TNFSF8: variants seen among roughly 807,000 people sequenced by gnomAD.
TNFSF8 encodes the protein tumor necrosis factor ligand superfamily member 8.
In TNFSF8, 4 loss-of-function variants were observed where a neutral mutation model predicts 22.0. The ratio of observed to expected loss-of-function variants is 0.18; its 90% CI spans 0.09 to 0.42. The LOEUF (loss-of-function observed/expected upper bound fraction) is 0.42, where lower values mean the gene tolerates loss of function less well. TNFSF8 is among the 10% of genes least tolerant of loss of function. The pLI, the probability that TNFSF8 is intolerant of heterozygous loss-of-function variation, is 1.00. For missense variants in TNFSF8, 233 were observed against 281.8 expected, an observed-to-expected ratio of 0.83 and a Z score of 1.24; for synonymous variants, 106 against 112.5, an observed-to-expected ratio of 0.94 and a Z score of 0.37.
chr9:114,897,134 C>G (rs565838229), downstream of TNFSF8, among the ~76,000 whole-genome samples: 7 of 152,310 alleles, frequency 4.6e-5, no homozygotes, highest in African/African-American at 1.7e-4. Flanking sequence ...CCCCTGACCT[C>G]AAGTGATCCA....
chr9:114,924,454 T>C (rs577984331), intron 1 of TNFSF8, among the ~76,000 whole-genome samples: 2 of 152,182 alleles, frequency 1.3e-5, no homozygotes, highest in South Asian at 4.1e-4. Context: ...CTCTTGGCAA[T>C]GATAATGGCA....
rs1302732883 is a variant in TNFSF8 at position 114,916,058 on chromosome 9, G to A, written c.238+2038C>T. Among the ~76,000 whole-genome samples the A allele has an allele frequency of 2.0e-5, 3 of 152,158 alleles. No homozygotes were observed. In the East Asian group the frequency reaches 5.8e-4, roughly 29 times the overall value. ...TTTCTCCCCAGAATGAAAATTCAGA[G>A]ACCAATATGAAGTGGACAGCTTTTT... is the stretch of plus-strand genomic sequence containing the variant. On this transcript the variant is annotated intron_variant, in intron 2 of 3. Coordinates refer to ENST00000223795, the MANE Select transcript of TNFSF8 (RefSeq NM_001244.4).
intron 1 of TNFSF8, among the ~76,000 whole-genome samples, chr9:114,918,513 G>A (rs1564371226): frequency 6.6e-6 from 1 of 151,216 alleles, no homozygotes; most frequent in Non-Finnish European, 1.5e-5. Flanking sequence ...GCAGTGGTAT[G>A]ATCATGGGTC....
At chr9:114,924,201 G>C (rs555419463) in intron 1 of TNFSF8, among the ~76,000 whole-genome samples, 1 of 152,110 alleles carries the variant, frequency 6.6e-6, no homozygotes, top group African/African-American at 2.4e-5. Flanking sequence ...ATGCAGATTC[G>C]GATTCAGGAG....
intron 1 of TNFSF8, among the ~76,000 whole-genome samples, chr9:114,923,472 C>CTT (rs1281705978): frequency 2.8e-5 from 4 of 144,502 alleles, no homozygotes; most frequent in African/African-American, 5.2e-5. Context: ...GATTACTTTT[C>CTT]TTTCTTTTTC....
intron 2 of TNFSF8, among the ~76,000 whole-genome samples, chr9:114,911,225 C>G (rs576203366): frequency 3.3e-5 from 5 of 152,324 alleles, no homozygotes; most frequent in Non-Finnish European, 5.9e-5. Flanking sequence ...GTGTTTAAGG[C>G]TATCTGATGC....
Position 114,930,397 on chromosome 9 carries a change from A to C in TNFSF8, c.-94T>G. 1 of 1,061,958 alleles carries C rather than the reference A, an allele frequency of 9.4e-7. No homozygotes were observed. The highest frequency in any genetic ancestry group is 2.6e-5 in the South Asian group (1 of 38,334). 65.8% of individuals were successfully genotyped at this position (1,061,958 alleles called of 1,614,324 possible). On this transcript the variant is annotated 5_prime_UTR_variant, in exon 1 of 4. Coordinates refer to ENST00000223795, the MANE Select transcript of TNFSF8 (RefSeq NM_001244.4). ...GTTCCAAGAAGGATTCTCCCCCTGA[A>C]TCCTGAATCATGTGACTTGGAAAAA...
intron 2 of TNFSF8, among the ~76,000 whole-genome samples, chr9:114,908,258 C>G (rs1012382995): frequency 2.0e-5 from 3 of 152,198 alleles, no homozygotes; most frequent in Admixed American, 1.3e-4. Flanking sequence ...TCACCTAGTT[C>G]ATCTTTCTTG....
chr9:114,918,978 G>A (rs1237002253), intron 1 of TNFSF8, among the ~76,000 whole-genome samples: 2 of 151,208 alleles, frequency 1.3e-5, no homozygotes, highest in Non-Finnish European at 2.9e-5. Flanking sequence ...TTTTCCTTCT[G>A]GTCAACATGA....
Position 114,930,218 on chromosome 9 carries a change from C to A in TNFSF8, c.86G>T (p.Ser29Ile), listed in dbSNP as rs1326821202. 5 of 1,607,370 alleles carry A rather than the reference C, an allele frequency of 3.1e-6. No homozygotes were observed. Among genetic ancestry groups the A allele is most frequent in the Non-Finnish European group, 4.2e-6 (5 of 1,176,802 alleles). ...AMHVPAGSVA[S>I]HLGTTSRSYF... ...GCTGCGGCTCGTGGTCCCCAGGTGG[C>A]TGGCCACGGAGCCCGCCGGCACATG... The change falls in exon 1 of 4, where the codon AGC (serine) becomes ATC (isoleucine). Residue 29 changes from serine (S) to isoleucine (I), a missense_variant. Ser to Ile is a moderately radical substitution (Grantham distance 142, BLOSUM62 -2). Transcript: ENST00000223795.
intron 4 of TNFSF8, chr9:114,894,236 C>T (rs762343491): frequency 1.3e-5 from 17 of 1,307,920 alleles, no homozygotes; most frequent in Middle Eastern, 1.8e-4. Flanking sequence ...GTTGTTGTTA[C>T]TCAGAAGCCC....
At chr9:114,927,008 T>G (rs1208975537) in intron 1 of TNFSF8, among the ~76,000 whole-genome samples, 2 of 128,552 alleles carry the variant, frequency 1.6e-5, no homozygotes, top group Non-Finnish European at 1.6e-5. Flanking sequence ...AATGTTTATT[T>G]TATAATATAT....
At chr9:114,924,835 A>C (rs527524107) in intron 1 of TNFSF8, among the ~76,000 whole-genome samples, 1 of 152,336 alleles carries the variant, frequency 6.6e-6, no homozygotes, top group East Asian at 1.9e-4. Flanking sequence ...TCAATTTAAC[A>C]GAGTTCCCAG....
At chr9:114,901,112 TACCAA>T (rs958532913), downstream of TNFSF8, 2 of 985,248 alleles carry the variant, frequency 2.0e-6, no homozygotes, top group African/African-American at 3.5e-5. Flanking sequence ...GTTGAGTTTT[TACCAA>T]AGAGGCATAT....
Position 114,903,969 on chromosome 9 carries a change from T to C in TNFSF8, c.667A>G (p.Asn223Asp), listed in dbSNP as rs1487373577. 6.2e-7 allele frequency: 1 copy of C among 1,613,754 alleles called. No homozygotes were observed. Among genetic ancestry groups the C allele is most frequent in the Non-Finnish European group, 8.5e-7 (1 of 1,179,786 alleles). The change falls in exon 4 of 4, where the codon AAT becomes GAT. Residue 223 changes from asparagine (N) to aspartate (D), a missense_variant. Transcript: ENST00000223795. Reference sequence around the variant, plus strand: ...CTGTATAAGAAGATGGACAACACATTCTCAAGAGGAAAGGTGCTTGTATCT... The same window carrying C: ...CTGTATAAGAAGATGGACAACACATCCTCAAGAGGAAAGGTGCTTGTATCT... The part of the protein sequence containing the change: ...YIDTSTFPLE[N>D]VLSIFLYSNS...
In TNFSF8 at chr9:114,902,823, C is replaced by G. The variant is rs1431782506; in HGVS notation, c.*1108G>C. The G allele has an allele frequency of 1.1e-6, 1 of 888,102 alleles. No individual in the cohort carries two copies. Among genetic ancestry groups the G allele is most frequent in the Non-Finnish European group, 1.3e-6 (1 of 741,460 alleles). The allele number at this position is 888,102 out of a possible 1,614,324, so 55.0% of individuals were successfully genotyped here. ...ATTTTCTAGACTTGGATCCTGAGTT[C>G]CAGGGAGGGGAAGGTATAGTGAATT... On this transcript the variant is annotated 3_prime_UTR_variant, in exon 4 of 4. Coordinates refer to ENST00000223795, the MANE Select transcript of TNFSF8 (RefSeq NM_001244.4).
At chr9:114,896,444 A>C (rs1381951631), downstream of TNFSF8, among the ~76,000 whole-genome samples, 1 of 152,218 alleles carries the variant, frequency 6.6e-6, no homozygotes, top group Non-Finnish European at 1.5e-5. Flanking sequence ...AGGTATACCA[A>C]GGTTTGATTT....
chr9:114,905,066 T>C (rs1346118777), intron 3 of TNFSF8, among the ~76,000 whole-genome samples: 1 of 152,202 alleles, frequency 6.6e-6, no homozygotes, highest in Non-Finnish European at 1.5e-5. Flanking sequence ...GGTGAGTCTC[T>C]AAGTCCTAAC....
At chr9:114,911,864 C>T (rs1400658780) in intron 2 of TNFSF8, among the ~76,000 whole-genome samples, 1 of 152,032 alleles carries the variant, frequency 6.6e-6, no homozygotes, top group Non-Finnish European at 1.5e-5. Flanking sequence ...ATACTAAACA[C>T]AGGTTGAATT....
Sources: allele counts gnomAD v4.1 joint callset (sites outside exome capture counted in the v4.1 genomes callset), GRCh38; gene constraint gnomAD v4.1.1; transcripts MANE v1.5; gene names NCBI Gene and HGNC (gene_info 2026-07-23, HGNC 2026-07-21).